SLC39A14: variants seen among roughly 807,000 people sequenced by gnomAD.
The protein encoded by SLC39A14 is metal cation symporter ZIP14.
SLC39A14 carries 19 observed loss-of-function variants against 45.5 expected under a neutral mutation model. That is an observed-to-expected ratio of 0.42 (90% confidence interval 0.29 to 0.61). The LOEUF is 0.61. Ranked by LOEUF, SLC39A14 falls within the 20% of genes least tolerant of loss-of-function variation. The pLI is 0.22. For missense variants in SLC39A14, 447 were observed against 616.5 expected, an observed-to-expected ratio of 0.73 and a Z score of 2.91; for synonymous variants, 264 against 251.3, an observed-to-expected ratio of 1.05 and a Z score of -0.48.
intron 1 of SLC39A14, among the ~76,000 whole-genome samples, chr8:22,371,337 G>T (rs73541999): frequency 0.14 from 21,639 of 150,516 alleles, 3,141 homozygotes; most frequent in African/African-American, 0.37. Flanking sequence ...AATGGCCCTC[G>T]TAGGCAGTGC....
chr8:22,381,594 A>T (rs1833519407), intron 1 of SLC39A14, among the ~76,000 whole-genome samples: 2 of 152,346 alleles, frequency 1.3e-5, no homozygotes. Flanking sequence ...AATGCAAGAA[A>T]ACACGGCTGT....
intron 1 of SLC39A14, among the ~76,000 whole-genome samples, chr8:22,373,338 A>G (rs1271926171): frequency 6.6e-6 from 1 of 152,136 alleles, no homozygotes; most frequent in Non-Finnish European, 1.5e-5. Context: ...CCTTGTTAGC[A>G]TATTTTTAGA....
rs116737204 is a variant in SLC39A14 at position 22,386,772 on chromosome 8, C to G, written c.-15-17924C>G. 4.0e-3 allele frequency among the ~76,000 whole-genome samples: 613 copies of G among 152,326 alleles called. 5 individuals carry two copies. Among genetic ancestry groups the G allele is most frequent in the African/African-American group, 0.014 (583 of 41,570 alleles). On this transcript the variant is annotated intron_variant, in intron 1 of 8. Transcript: ENST00000381237. ...TACTCCATCCACTTTGCAAGGAAGA[C>G]TTGGATGATCTCTTGTCCTCAGGGA...
chr8:22,393,931 C>G (rs1011928745), intron 1 of SLC39A14, among the ~76,000 whole-genome samples: 1 of 152,120 alleles, frequency 6.6e-6, no homozygotes, highest in Non-Finnish European at 1.5e-5. Flanking sequence ...CCTTGGCCTC[C>G]CAGAGTGCTG....
At chr8:22,370,319 G>C (rs574790073) in intron 1 of SLC39A14, among the ~76,000 whole-genome samples, 2 of 152,256 alleles carry the variant, frequency 1.3e-5, no homozygotes, top group Admixed American at 1.3e-4. Context: ...TCCAACATTT[G>C]CAGAATCATG....
At chr8:22,426,050 G>A (rs958001057), downstream of SLC39A14, among the ~76,000 whole-genome samples, 1 of 151,944 alleles carries the variant, frequency 6.6e-6, no homozygotes, top group African/African-American at 2.4e-5. Flanking sequence ...GAGCCACCAA[G>A]CCTGGCCAAT....
Position 22,417,855 on chromosome 8 carries a change from C to G in SLC39A14, c.1332+20C>G. On this transcript the variant is annotated intron_variant, in intron 8 of 8. Transcript: ENST00000381237. Reference sequence around the variant, plus strand: ...GATATGGTAAGTGTTCCACAGTTCACTGGATGAGAGGGCGGCTAAGGGGAT... The same window carrying G: ...GATATGGTAAGTGTTCCACAGTTCAGTGGATGAGAGGGCGGCTAAGGGGAT... The G allele has an allele frequency of 6.2e-7, 1 of 1,605,080 alleles. No homozygotes were observed. Among genetic ancestry groups the G allele is most frequent in the African/African-American group, 1.3e-5 (1 of 74,826 alleles).
In SLC39A14 at chr8:22,422,620, T is replaced by C. The variant is rs1044073726; in HGVS notation, c.*2922T>C. 4 of 982,704 alleles carry C rather than the reference T, an allele frequency of 4.1e-6. No individual in the cohort carries two copies. Among genetic ancestry groups the C allele is most frequent in the Non-Finnish European group, 4.8e-6 (4 of 827,232 alleles). 60.9% of individuals were successfully genotyped at this position (982,704 alleles called of 1,614,324 possible). On this transcript the variant is annotated 3_prime_UTR_variant, in exon 9 of 9. Transcript: ENST00000381237. ...GAAATTAGAAAAGAAAATTAACTTA[T>C]GTGGACTGTAAATGTTTTATTTGTA...
In SLC39A14 at chr8:22,395,100, C is replaced by T. The variant is rs181748257; in HGVS notation, c.-15-9596C>T. ...TATTGGCTCACTGCAACCTTCGCCT[C>T]CCGGGTTCAAGCAATTCCCCTGCCC... On this transcript the variant is annotated intron_variant, in intron 1 of 8. Transcript: ENST00000381237. Among the ~76,000 whole-genome samples the T allele has an allele frequency of 3.4e-3, 523 of 152,036 alleles. 5 individuals carry two copies. The highest frequency in any genetic ancestry group is 6.3e-3 in the Non-Finnish European group (427 of 67,978).
intron 1 of SLC39A14, among the ~76,000 whole-genome samples, chr8:22,394,611 G>A (rs1834276977): frequency 1.3e-5 from 2 of 152,256 alleles, no homozygotes; most frequent in Admixed American, 6.5e-5. Context: ...GAGCCACTGT[G>A]CCCGGCCGAT....
At chr8:22,383,897 G>A (rs994704765) in intron 1 of SLC39A14, among the ~76,000 whole-genome samples, 8 of 152,128 alleles carry the variant, frequency 5.3e-5, no homozygotes, top group African/African-American at 1.2e-4. Context: ...AGCAAGCCAC[G>A]CTGTTCCCAT....
rs1050331665 is a variant in SLC39A14, at chr8:22,397,600, A to AG, written c.-15-7096_-15-7095insG. On this transcript the variant is annotated intron_variant, in intron 1 of 8. Transcript: ENST00000381237. ...GCGAGACTCCGTCCCAAAAAAAAAA[A>AG]AGAAAGACCTCCTCCTTCCACCCTG... Among the ~76,000 whole-genome samples the AG allele has an allele frequency of 4.6e-5, 7 of 151,742 alleles. No homozygotes were observed. The East Asian group carries it at 5.8e-4, about 13-fold the overall frequency.
chr8:22,409,300 C>T (rs7839390), intron 3 of SLC39A14, among the ~76,000 whole-genome samples: 11,459 of 152,184 alleles, frequency 0.075, 619 homozygotes, highest in African/African-American at 0.16. Context: ...GCCTGAGTGT[C>T]GGCACCCGGA....
rs1421570488 is a variant in SLC39A14, at chr8:22,421,317, A to G, written c.*1619A>G. ...CCGTTTTGTTTTCTCTTCTTGGGAG[A>G]CATCTGTCAAACCAGGAATATTCTT... On this transcript the variant is annotated 3_prime_UTR_variant, in exon 9 of 9. Coordinates refer to ENST00000381237, the MANE Select transcript of SLC39A14 (RefSeq NM_001128431.4). 4 of 985,708 alleles carry G rather than the reference A, an allele frequency of 4.1e-6. No individual in the cohort carries two copies. In the South Asian group the frequency reaches 1.4e-4, roughly 35 times the overall value. 61.1% of individuals were successfully genotyped at this position (985,708 alleles called of 1,614,324 possible). A position where few individuals can be genotyped will look rare whatever the true frequency, so the allele number is the denominator to read the frequency against.
At chr8:22,371,955 G>C (rs1181280728) in intron 1 of SLC39A14, among the ~76,000 whole-genome samples, 2 of 151,802 alleles carry the variant, frequency 1.3e-5, no homozygotes, top group Non-Finnish European at 2.9e-5. Context: ...ATGTTGGCCA[G>C]GCTGGTCTCC....
At chr8:22,423,986 T>G (rs1586760691), downstream of SLC39A14, among the ~76,000 whole-genome samples, 1 of 151,946 alleles carries the variant, frequency 6.6e-6, no homozygotes, top group Non-Finnish European at 1.5e-5. Flanking sequence ...TTTAATTTTT[T>G]TTTTTTTATA....
chr8:22,424,339 T>G (rs900961802), downstream of SLC39A14, among the ~76,000 whole-genome samples: 2 of 152,180 alleles, frequency 1.3e-5, no homozygotes, highest in Non-Finnish European at 2.9e-5. Flanking sequence ...CTGTTTTTCT[T>G]CGACAACAGA....
In SLC39A14 at chr8:22,410,697, T is replaced by C. The variant is rs960801472; in HGVS notation, c.458-1340T>C. On this transcript the variant is annotated intron_variant, in intron 3 of 8. Coordinates refer to ENST00000381237, the MANE Select transcript of SLC39A14 (RefSeq NM_001128431.4). ...AATGGAAGGGGCACTCAGCCCTTTG[T>C]ACCTTGCATCTTGACTTTTTTCTGA... 6.6e-5 allele frequency among the ~76,000 whole-genome samples: 10 copies of C among 152,368 alleles called. No homozygotes were observed. In the East Asian group the frequency reaches 1.9e-3, roughly 29 times the overall value.
Position 22,408,416 on chromosome 8 carries a change from AT to A in SLC39A14, c.379del (p.Ser127ProfsTer35). On this transcript the variant is annotated frameshift_variant, in exon 3 of 9. Transcript: ENST00000381237. LOFTEE classifies it high-confidence loss of function. ...TGCCCCACCATCCTCCAGCAGCTGGATTCCCGGGCCTGCACCTCGGAGAACC... is the reference window on the plus strand; with the variant it reads ...TGCCCCACCATCCTCCAGCAGCTGGATCCCGGGCCTGCACCTCGGAGAACC... ...EFCPTILQQL[D>X]SRACTSENQE... 6.2e-7 allele frequency: 1 copy of A among 1,614,212 alleles called. No homozygotes were observed.
Sources: gnomAD v4.1 joint callset for allele counts (sites outside exome capture counted in the v4.1 genomes callset) on GRCh38, gnomAD v4.1.1 for gene constraint, MANE v1.5 for transcripts, NCBI Gene and HGNC (gene_info 2026-07-23, HGNC 2026-07-21) for gene names.